The following SRRM4 variants were observed in gnomAD, a reference collection of about 807,000 sequenced individuals.
SRRM4 encodes serine/arginine repetitive matrix protein 4.
Under a neutral mutation model 68.9 loss-of-function variants are expected in SRRM4, and 33 were observed. That is an observed-to-expected ratio of 0.48 (90% confidence interval 0.36 to 0.64). The LOEUF (loss-of-function observed/expected upper bound fraction) is 0.64. Ranked by LOEUF, SRRM4 falls within the 30% of genes least tolerant of loss-of-function variation. The probability of loss-of-function intolerance (pLI) is 0.00; values close to 1 mark genes in which losing one functional copy is unlikely to be tolerated. For synonymous variants in SRRM4, 318 were observed against 318.8 expected (o/e 1.00, Z 0.03); for missense variants, 817 against 827.1 (o/e 0.99, Z 0.15).
intron 1 of SRRM4, among the ~76,000 whole-genome samples, chr12:118,995,108 A>T (rs1054434434): frequency 1.3e-5 from 2 of 152,236 alleles, no homozygotes; most frequent in African/African-American, 4.8e-5. Flanking sequence ...GTTTAATAAT[A>T]GTTACTAATA....
At chr12:119,114,784 C>G (rs868210690) in intron 3 of SRRM4, among the ~76,000 whole-genome samples, 1 of 151,294 alleles carries the variant, frequency 6.6e-6, no homozygotes, top group African/African-American at 2.4e-5. Flanking sequence ...CCTGCCTCAG[C>G]CTCCCGAGTA....
intron 1 of SRRM4, among the ~76,000 whole-genome samples, chr12:119,049,006 G>A (rs1953724921): frequency 6.6e-6 from 1 of 152,192 alleles, no homozygotes; most frequent in Non-Finnish European, 1.5e-5. Context: ...GATACCTACT[G>A]TGTGCCAGAC....
intron 2 of SRRM4, among the ~76,000 whole-genome samples, chr12:119,107,797 G>T (rs1350729159): frequency 6.6e-6 from 1 of 152,042 alleles, no homozygotes; most frequent in African/African-American, 2.4e-5. Flanking sequence ...TTTTTGAAGG[G>T]TTTTTTGTGT....
At chr12:119,150,805 T>C (rs2136068481) in intron 9 of SRRM4, among the ~76,000 whole-genome samples, 1 of 152,330 alleles carries the variant, frequency 6.6e-6, no homozygotes, top group Non-Finnish European at 1.5e-5. Context: ...GAGGAAATGC[T>C]AACCTGAATT....
At chr12:119,133,943 T>G (rs1954312574) in intron 8 of SRRM4, among the ~76,000 whole-genome samples, 1 of 152,018 alleles carries the variant, frequency 6.6e-6, no homozygotes, top group South Asian at 2.1e-4. Flanking sequence ...GGACTGGGAT[T>G]AGGGTTAGGG....
Position 119,042,562 on chromosome 12 carries a change from G to A in SRRM4, c.132-59674G>A, listed in dbSNP as rs531832784. ...CAGAAGCAAAAGGCAGATCTGAGAGGAAGAGGGGGTGGTAGACAATGGAAG... is the reference window on the plus strand; with the variant it reads ...CAGAAGCAAAAGGCAGATCTGAGAGAAAGAGGGGGTGGTAGACAATGGAAG... On this transcript the variant is annotated intron_variant, in intron 1 of 12. Coordinates refer to ENST00000267260, the MANE Select transcript of SRRM4 (RefSeq NM_194286.4). 3.1e-3 allele frequency among the ~76,000 whole-genome samples: 465 copies of A among 151,700 alleles called. 1 individual carries two copies. The highest frequency in any genetic ancestry group is 5.7e-3 in the Non-Finnish European group (388 of 67,924).
chr12:119,023,344 T>A lies in SRRM4; in HGVS notation c.131+41331T>A, dbSNP rs559803109. On this transcript the variant is annotated intron_variant, in intron 1 of 12. Transcript: ENST00000267260. ...GAGGTGAGCACTGGGAACAGCTTAG[T>A]ACCTGAGAGGGACAGTTAGTTCTGT... 2.0e-5 allele frequency among the ~76,000 whole-genome samples: 3 copies of A among 152,336 alleles called. No individual in the cohort carries two copies. In the South Asian group the frequency reaches 6.2e-4, roughly 32 times the overall value.
intron 2 of SRRM4, among the ~76,000 whole-genome samples, chr12:119,110,527 G>A (rs7132523): frequency 0.39 from 59,287 of 152,070 alleles, 12,365 homozygotes; most frequent in Middle Eastern, 0.53. Context: ...CAGCAATGGC[G>A]GACGCCCCTG....
intron 2 of SRRM4, among the ~76,000 whole-genome samples, chr12:119,113,165 G>C (rs1026381663): frequency 2.0e-5 from 3 of 152,090 alleles, no homozygotes; most frequent in African/African-American, 7.2e-5. Context: ...TAGAGACCCT[G>C]GCATATATTC....
chr12:119,098,216 C>T (rs886714078), intron 1 of SRRM4, among the ~76,000 whole-genome samples: 4 of 152,186 alleles, frequency 2.6e-5, no homozygotes, highest in African/African-American at 9.7e-5. Context: ...GAGTGAGCCA[C>T]CTTGGAAGTG....
intron 8 of SRRM4, among the ~76,000 whole-genome samples, chr12:119,134,449 C>T (rs1256576608): frequency 6.6e-6 from 1 of 150,676 alleles, no homozygotes; most frequent in East Asian, 1.9e-4. Flanking sequence ...GGCTCACAGT[C>T]TAGTAGTCAG....
At chr12:119,133,384 A>C (rs1260084576) in intron 8 of SRRM4, among the ~76,000 whole-genome samples, 1 of 152,178 alleles carries the variant, frequency 6.6e-6, no homozygotes, top group Non-Finnish European at 1.5e-5. Flanking sequence ...TAGCAGTGGT[A>C]GTAGTCATAG....
At chr12:119,118,840 C>T (rs73213767) in intron 4 of SRRM4, among the ~76,000 whole-genome samples, 5,056 of 152,210 alleles carry the variant, frequency 0.033, 92 homozygotes, top group Non-Finnish European at 0.042. Context: ...TTTTCCTGCC[C>T]GGTCAGCCCA....
At chr12:119,069,211 T>C (rs1349743163) in intron 1 of SRRM4, among the ~76,000 whole-genome samples, 2 of 152,192 alleles carry the variant, frequency 1.3e-5, no homozygotes, top group Non-Finnish European at 2.9e-5. Context: ...TGGTTTAGCA[T>C]GTTACCGGGG....
At chr12:119,090,940 G>A (rs757006576) in intron 1 of SRRM4, among the ~76,000 whole-genome samples, 1 of 152,204 alleles carries the variant, frequency 6.6e-6, no homozygotes, top group Non-Finnish European at 1.5e-5. Context: ...TTCTCCCACT[G>A]AAGCCCTTTA....
intron 9 of SRRM4, among the ~76,000 whole-genome samples, 163 bp from the exon 10 acceptor site, chr12:119,150,854 C>T: frequency 6.6e-6 from 1 of 152,176 alleles, no homozygotes; most frequent in East Asian, 1.9e-4. Flanking sequence ...ACTCCTCTAA[C>T]ATATGTGGCC....
intron 1 of SRRM4, among the ~76,000 whole-genome samples, chr12:118,987,399 T>C (rs1953289392): frequency 6.6e-6 from 1 of 152,186 alleles, no homozygotes; most frequent in African/African-American, 2.4e-5. Context: ...TTGGGTTCTG[T>C]GGACTGGACT....
chr12:119,136,679 T>C (rs1009929639), intron 8 of SRRM4, among the ~76,000 whole-genome samples: 1 of 152,076 alleles, frequency 6.6e-6, no homozygotes, highest in African/African-American at 2.4e-5. Flanking sequence ...CTAATTACAT[T>C]GAACTTATTT....
chr12:119,062,105 A>T (rs1953816308), intron 1 of SRRM4, among the ~76,000 whole-genome samples: 1 of 152,226 alleles, frequency 6.6e-6, no homozygotes, highest in Admixed American at 6.5e-5. Context: ...CCTGCACAGC[A>T]TGTTACTATA....
Sources: allele counts gnomAD v4.1 joint callset (sites outside exome capture counted in the v4.1 genomes callset), GRCh38; gene constraint gnomAD v4.1.1; transcripts MANE v1.5; gene names NCBI Gene and HGNC (gene_info 2026-07-23, HGNC 2026-07-21).